The following GRM8 variants were observed in gnomAD, a reference collection of about 807,000 sequenced individuals.
GRM8 encodes the protein metabotropic glutamate receptor 8.
A neutral mutation model predicts 87.2 loss-of-function variants in GRM8; 47 were observed. The observed-to-expected ratio is 0.54, with a 90% confidence interval of 0.43 to 0.69. GRM8 has a LOEUF of 0.69. Among genes scored for constraint, GRM8 ranks in the 30% least tolerant of loss-of-function variants. The pLI, the probability that GRM8 is intolerant of heterozygous loss-of-function variation, is 0.00. For synonymous variants in GRM8, 396 were observed against 404.5 expected, an observed-to-expected ratio of 0.98 and a Z score of 0.25; for missense variants, 1,019 against 1,139.2, an observed-to-expected ratio of 0.89 and a Z score of 1.52.
intron 3 of GRM8, chr7:127,075,890 GTTAGGCGAATGACTCCCTATC>G: frequency 4.3e-6 from 1 of 231,442 alleles, no homozygotes; most frequent in South Asian, 5.5e-5. Flanking sequence ...GGTAGCATTA[GTTAGGCGAATGACTCCCTATC>G]TTATTCACCT....
At chr7:126,572,538 A>G (rs1232292455) in intron 8 of GRM8, among the ~76,000 whole-genome samples, 1 of 152,046 alleles carries the variant, frequency 6.6e-6, no homozygotes, top group African/African-American at 2.4e-5. Flanking sequence ...AAAATAACAA[A>G]GTAATACCTT....
At chr7:127,114,770 GATTTCAGATAATTC>G (rs1432180737) in intron 2 of GRM8, among the ~76,000 whole-genome samples, 6 of 152,276 alleles carry the variant, frequency 3.9e-5, no homozygotes, top group African/African-American at 1.4e-4. Flanking sequence ...GTCATATGTT[GATTTCAGATAATTC>G]ATTTGAATAG....
At chr7:127,021,086 G>C (rs995605610) in intron 3 of GRM8, among the ~76,000 whole-genome samples, 1 of 151,918 alleles carries the variant, frequency 6.6e-6, no homozygotes, top group Non-Finnish European at 1.5e-5. Context: ...TTTTCAAAAG[G>C]CTGCTACAGG....
chr7:126,775,042 A>G (rs78074267), intron 6 of GRM8, among the ~76,000 whole-genome samples: 5,570 of 152,236 alleles, frequency 0.037, 318 homozygotes, highest in African/African-American at 0.12. Context: ...CAAACATCCA[A>G]TTGGTTGCCT....
chr7:126,814,900 A>G (rs915759940), intron 6 of GRM8, among the ~76,000 whole-genome samples: 24 of 152,064 alleles, frequency 1.6e-4, no homozygotes, highest in Non-Finnish European at 2.6e-4. Context: ...ATAATCAGTG[A>G]CATTTCCACT....
rs188829096 is a variant in GRM8, at chr7:126,545,202, G to A, written c.1495-11315C>T. ...GTATTGTGGATGCGGTGGTTTAAGGGAAGGGTGCAGGAAGTCAGACCTGTA... is the reference window on the plus strand; with the variant it reads ...GTATTGTGGATGCGGTGGTTTAAGGAAAGGGTGCAGGAAGTCAGACCTGTA... On this transcript the variant is annotated intron_variant, in intron 8 of 10. Transcript: ENST00000339582. Among the ~76,000 whole-genome samples, 391 of 152,290 alleles carry A rather than the reference G, an allele frequency of 2.6e-3. 3 individuals are homozygous for A. Among genetic ancestry groups the A allele is most frequent in the Middle Eastern group, 0.024 (7 of 294 alleles).
chr7:126,658,446 A>T (rs1262218724), intron 7 of GRM8, among the ~76,000 whole-genome samples: 2 of 152,130 alleles, frequency 1.3e-5, no homozygotes, highest in Admixed American at 1.3e-4. Context: ...AGAGAATAGG[A>T]TCTAAAACTG....
intron 2 of GRM8, among the ~76,000 whole-genome samples, chr7:127,151,431 T>C (rs904977242): frequency 7.2e-5 from 11 of 152,094 alleles, no homozygotes; most frequent in African/African-American, 2.7e-4. Flanking sequence ...GACCTCTTAT[T>C]TCTTCCAAAG....
chr7:126,595,529 A>C (rs1288518778), intron 8 of GRM8, among the ~76,000 whole-genome samples: 1 of 151,702 alleles, frequency 6.6e-6, no homozygotes, highest in East Asian at 1.9e-4. Flanking sequence ...GGCCTCCCAA[A>C]GTGCTAGGAT....
At chr7:126,750,833 T>C (rs1322196695) in intron 7 of GRM8, among the ~76,000 whole-genome samples, 1 of 152,072 alleles carries the variant, frequency 6.6e-6, no homozygotes, top group East Asian at 1.9e-4. Context: ...AGTTTTCCCC[T>C]GCTTCTACAA....
chr7:126,553,799 G>T (rs1040339096), intron 8 of GRM8, among the ~76,000 whole-genome samples: 2 of 152,102 alleles, frequency 1.3e-5, no homozygotes, highest in African/African-American at 2.4e-5. Context: ...TGTAAAAATG[G>T]ATATACAGCT....
intron 6 of GRM8, among the ~76,000 whole-genome samples, chr7:126,891,443 T>C (rs189971949): frequency 6.6e-6 from 1 of 151,536 alleles, no homozygotes; most frequent in Non-Finnish European, 1.5e-5. Flanking sequence ...CTGGTGCCCA[T>C]TCATTGACTT....
intron 7 of GRM8, among the ~76,000 whole-genome samples, chr7:126,725,299 C>T (rs764271444): frequency 6.6e-6 from 1 of 152,210 alleles, no homozygotes; most frequent in Non-Finnish European, 1.5e-5. Flanking sequence ...CTCTTTACAA[C>T]TGAGCAAAGA....
chr7:126,714,845 C>T (rs1488569250), intron 7 of GRM8, among the ~76,000 whole-genome samples: 3 of 152,014 alleles, frequency 2.0e-5, no homozygotes, highest in Admixed American at 6.6e-5. Context: ...TATATAAACA[C>T]ACTCTATTCT....
At chr7:126,809,107 C>T (rs1012900108) in intron 6 of GRM8, among the ~76,000 whole-genome samples, 1 of 152,170 alleles carries the variant, frequency 6.6e-6, no homozygotes, top group Non-Finnish European at 1.5e-5. Context: ...AATTCCATGG[C>T]TCATGGCCTC....
At chr7:127,184,864 A>G (rs1794652276) in intron 2 of GRM8, among the ~76,000 whole-genome samples, 1 of 152,022 alleles carries the variant, frequency 6.6e-6, no homozygotes, top group Admixed American at 6.6e-5. Flanking sequence ...TTGAAATGAG[A>G]GAAAATACAT....
rs138320012 is a variant in GRM8 at position 127,081,143 on chromosome 7, G to C, written c.727+25353C>G. The stretch of plus-strand genomic sequence containing the variant: ...AGACACTTAATCCCTAGAATAGCAC[G>C]AAAGGTCCTTTCTGGGCTAGCCTTT... On this transcript the variant is annotated intron_variant, in intron 3 of 10. Coordinates refer to ENST00000339582, the MANE Select transcript of GRM8 (RefSeq NM_000845.3). Among the ~76,000 whole-genome samples, 6 of 152,120 alleles carry C rather than the reference G, an allele frequency of 3.9e-5. No individual in the cohort carries two copies. The East Asian group carries it at 1.2e-3, about 29-fold the overall frequency.
At chr7:127,170,279 A>G (rs1473920190) in intron 2 of GRM8, among the ~76,000 whole-genome samples, 1 of 152,168 alleles carries the variant, frequency 6.6e-6, no homozygotes, top group Non-Finnish European at 1.5e-5. Flanking sequence ...GCAAATCAAA[A>G]CCATAATGTG....
intron 9 of GRM8, among the ~76,000 whole-genome samples, chr7:126,530,907 A>T (rs555234685): frequency 4.6e-5 from 7 of 152,188 alleles, no homozygotes; most frequent in Non-Finnish European, 1.0e-4. Context: ...TCCTGGGCTC[A>T]AACAATCCCT....
Sources: gnomAD v4.1 joint callset for allele counts (sites outside exome capture counted in the v4.1 genomes callset) on GRCh38, gnomAD v4.1.1 for gene constraint, MANE v1.5 for transcripts, NCBI Gene and HGNC (gene_info 2026-07-23, HGNC 2026-07-21) for gene names.